The following GMDS variants were observed in gnomAD, a reference collection of about 807,000 sequenced individuals.
GMDS encodes the protein GDP-mannose 4,6 dehydratase.
GMDS carries 20 observed loss-of-function variants against 49.9 expected under a neutral mutation model. The ratio of observed to expected loss-of-function variants is 0.40; its 90% confidence interval spans 0.28 to 0.58. GMDS has a LOEUF of 0.58. Among genes scored for constraint, GMDS ranks in the 20% least tolerant of loss-of-function variants. The pLI is 0.42. For synonymous variants in GMDS, 177 were observed against 178.6 expected (o/e 0.99, Z 0.07); for missense variants, 362 against 481.4 (o/e 0.75, Z 2.32).
Position 1,624,175 on chromosome 6 carries a change from A to C in GMDS, c.1113T>G (p.Asn371Lys). Residue 371 changes from asparagine to lysine, a missense_variant, in exon 11 of 11, where the codon AAT becomes AAG. Coordinates refer to ENST00000380815, the MANE Select transcript of GMDS (RefSeq NM_001500.4). ...ADVELMRTNP[N>K]A ...CCGGGCTCCGAGGCGCTGCTCAGGCATTGGGGTTTGTCCTCATGAGCTCCA... is the reference window on the plus strand; with the variant it reads ...CCGGGCTCCGAGGCGCTGCTCAGGCCTTGGGGTTTGTCCTCATGAGCTCCA... 6.2e-7 allele frequency: 1 copy of C among 1,609,438 alleles called. No individual in the cohort carries two copies. The highest frequency in any genetic ancestry group is 1.1e-5 in the South Asian group (1 of 91,078).
chr6:1,681,039 T>C (rs1764768952), intron 9 of GMDS, among the ~76,000 whole-genome samples: 1 of 152,096 alleles, frequency 6.6e-6, no homozygotes, highest in Non-Finnish European at 1.5e-5. Flanking sequence ...TACTCTCACA[T>C]ACATCGAATA....
chr6:2,033,340 G>A (rs987191164), intron 4 of GMDS, among the ~76,000 whole-genome samples: 2 of 152,156 alleles, frequency 1.3e-5, no homozygotes, highest in African/African-American at 4.8e-5. Flanking sequence ...TAAAAAGCTA[G>A]AGCAATATTT....
chr6:2,170,866 G>A (rs956857554), intron 1 of GMDS, among the ~76,000 whole-genome samples: 10 of 151,556 alleles, frequency 6.6e-5, no homozygotes, highest in Non-Finnish European at 1.3e-4. Flanking sequence ...GCAGTGGCGG[G>A]CGCCTGTAGT....
intron 7 of GMDS, among the ~76,000 whole-genome samples, chr6:1,763,132 G>A (rs1768222048): frequency 6.6e-6 from 1 of 152,204 alleles, no homozygotes; most frequent in Non-Finnish European, 1.5e-5. Context: ...AAGACAAGGT[G>A]GGTGAGGCTG....
rs533788336 is a variant in GMDS at position 1,704,456 on chromosome 6, C to A, written c.987+21960G>T. Among the ~76,000 whole-genome samples, 6 of 152,116 alleles carry A rather than the reference C, an allele frequency of 3.9e-5. No homozygotes were observed. The East Asian group carries it at 1.2e-3, about 29-fold the overall frequency. On this transcript the variant is annotated intron_variant, in intron 9 of 10. Coordinates refer to ENST00000380815, the MANE Select transcript of GMDS (RefSeq NM_001500.4). ...TGTCTGTGAGGAAGGAAGGTCAGTA[C>A]GGGAGTACCATTCAAGATGGTCTGT... is the stretch of plus-strand genomic sequence containing the variant.
In GMDS at chr6:2,245,334, C is replaced by T; in HGVS notation, c.89G>A (p.Gly30Asp). Residue 30 changes from glycine (G) to aspartate (D), a missense_variant, in exon 1 of 11, where the codon GGT (glycine) becomes GAT (aspartate). Transcript: ENST00000380815. Reference protein sequence around the residue: ...GKPRNVALITGITGQDGSYLA... With the variant: ...GKPRNVALITDITGQDGSYLA... ...CCCCGCACTCACCTGGCCTGTGATA[C>T]CGGTGATGAGCGCCACGTTCCTGGG... is the stretch of plus-strand genomic sequence containing the variant. The T allele has an allele frequency of 6.5e-7, 1 of 1,549,390 alleles. No individual in the cohort carries two copies. Among genetic ancestry groups the T allele is most frequent in the African/African-American group, 1.4e-5 (1 of 73,532 alleles).
chr6:2,206,810 A>C (rs1779827608), intron 1 of GMDS, among the ~76,000 whole-genome samples: 2 of 152,220 alleles, frequency 1.3e-5, no homozygotes, highest in African/African-American at 2.4e-5. Context: ...ACTGCTTTAA[A>C]GTATTTCCAG....
intron 7 of GMDS, among the ~76,000 whole-genome samples, chr6:1,813,161 A>C (rs186852109): frequency 6.7e-6 from 1 of 149,164 alleles, no homozygotes; most frequent in East Asian, 2.0e-4. Flanking sequence ...GTTCAAGGCT[A>C]CAGGAAGCTG....
intron 7 of GMDS, among the ~76,000 whole-genome samples, chr6:1,894,000 G>A (rs1355126966): frequency 2.0e-5 from 3 of 152,200 alleles, no homozygotes. Flanking sequence ...CAGAAGGATG[G>A]AAGGCACAGT....
At chr6:2,090,343 G>A (rs1351876589) in intron 4 of GMDS, among the ~76,000 whole-genome samples, 1 of 152,052 alleles carries the variant, frequency 6.6e-6, no homozygotes, top group African/African-American at 2.4e-5. Flanking sequence ...CCTATACTTC[G>A]GAAAGAAATC....
chr6:1,904,519 A>C (rs1373633227), intron 7 of GMDS, among the ~76,000 whole-genome samples: 1 of 152,236 alleles, frequency 6.6e-6, no homozygotes, highest in Admixed American at 6.5e-5. Context: ...TCCATTAAGC[A>C]AAGACAAAAG....
At chr6:2,058,763 G>A (rs966057813) in intron 4 of GMDS, among the ~76,000 whole-genome samples, 11 of 152,142 alleles carry the variant, frequency 7.2e-5, no homozygotes, top group African/African-American at 1.9e-4. Context: ...CGACGGCTGC[G>A]AAGGAGATCC....
At chr6:2,167,153 C>T (rs955894606) in intron 1 of GMDS, among the ~76,000 whole-genome samples, 1 of 152,112 alleles carries the variant, frequency 6.6e-6, no homozygotes, top group African/African-American at 2.4e-5. Flanking sequence ...TTTTTTCAGA[C>T]CTTGTCTTCC....
chr6:1,700,534 C>G (rs369243859), intron 9 of GMDS, among the ~76,000 whole-genome samples: 1 of 152,128 alleles, frequency 6.6e-6, no homozygotes, highest in South Asian at 2.1e-4. Flanking sequence ...CTTCTGGTTC[C>G]GAGGCACCCT....
At chr6:1,926,978 G>A (rs12196568) in intron 7 of GMDS, among the ~76,000 whole-genome samples, 3 of 104,174 alleles carry the variant, frequency 2.9e-5, no homozygotes, top group African/African-American at 6.3e-5. Flanking sequence ...TTTTTATTCA[G>A]AGGGTAGCGT....
rs779361856 is a variant in GMDS at position 1,980,433 on chromosome 6, A to T, written c.346-19467T>A. ...AACAGACTTTAAACCAACAAAGATT[A>T]AAAAAAAAAAAGACAAAGAAGGGCA... On this transcript the variant is annotated intron_variant, in intron 4 of 10. Transcript: ENST00000380815. Among the ~76,000 whole-genome samples, 324 of 32,946 alleles carry T rather than the reference A, an allele frequency of 9.8e-3. 1 individual carries two copies. The highest frequency in any genetic ancestry group is 0.019 in the African/African-American group (315 of 16,814). The allele number at this position is 32,946 out of a possible 152,430, so 21.6% of individuals were successfully genotyped here. A position where few individuals can be genotyped will look rare whatever the true frequency, so the allele number is the denominator to read the frequency against.
At position 1,718,406 on chromosome 6, in the gene GMDS, C is replaced by T. The variant is rs1766249393; in HGVS notation, c.987+8010G>A. 2.0e-5 allele frequency among the ~76,000 whole-genome samples: 3 copies of T among 152,318 alleles called. No individual in the cohort carries two copies. The South Asian group carries it at 6.2e-4, about 32-fold the overall frequency. On this transcript the variant is annotated intron_variant, in intron 9 of 10. Transcript: ENST00000380815. ...GCATCGTCACCTCCCCACTACCCTA[C>T]ATGGTTCAGCCTCTGTCCTGGGAGT...
intron 1 of GMDS, among the ~76,000 whole-genome samples, chr6:2,208,835 C>A (rs1190134855): frequency 1.3e-5 from 2 of 148,888 alleles, no homozygotes; most frequent in Non-Finnish European, 3.0e-5. Flanking sequence ...AATTCTAAGG[C>A]CGGTACAGTG....
intron 4 of GMDS, among the ~76,000 whole-genome samples, chr6:2,009,824 C>T (rs1381168303): frequency 2.0e-5 from 3 of 152,168 alleles, no homozygotes; most frequent in Admixed American, 6.5e-5. Context: ...TCAAAAAACA[C>T]GTTACTGTAC....
Sources: allele counts gnomAD v4.1 joint callset (sites outside exome capture counted in the v4.1 genomes callset), GRCh38; gene constraint gnomAD v4.1.1; transcripts MANE v1.5; gene names NCBI Gene and HGNC (gene_info 2026-07-23, HGNC 2026-07-21).